The following DSG2 variants were observed in gnomAD, a reference collection of about 807,000 sequenced individuals.
DSG2 encodes desmoglein-2.
A neutral mutation model predicts 75.6 loss-of-function variants in DSG2; 45 were observed. That is an observed-to-expected ratio of 0.60 (90% CI 0.47 to 0.76). The LOEUF (loss-of-function observed/expected upper bound fraction) is 0.76. Among genes scored for constraint, DSG2 ranks in the 30% least tolerant of loss-of-function variants. DSG2 has a pLI of 0.00. For synonymous variants in DSG2, 429 were observed against 483.9 expected (o/e 0.89, Z 1.49); for missense variants, 1,267 against 1,357.4 (o/e 0.93, Z 1.05).
intron 11 of DSG2, among the ~76,000 whole-genome samples, chr18:31,537,319 T>C (rs1440754625): frequency 6.6e-6 from 1 of 152,186 alleles, no homozygotes; most frequent in African/African-American, 2.4e-5. Context: ...TTCAGTGATC[T>C]GAATTAACAA....
chr18:31,523,605 A>G (rs1382436516), intron 6 of DSG2, among the ~76,000 whole-genome samples: 3 of 152,198 alleles, frequency 2.0e-5, no homozygotes, highest in Non-Finnish European at 4.4e-5. Flanking sequence ...TAAAGGACGG[A>G]AAGTTTAGCC....
chr18:31,513,976 C>T (rs2073080457), intron 1 of DSG2, among the ~76,000 whole-genome samples: 1 of 152,090 alleles, frequency 6.6e-6, no homozygotes, highest in African/African-American at 2.4e-5. Context: ...CAGTATTCCT[C>T]AAAACCGTCA....
intron 14 of DSG2, chr18:31,543,119 T>A: frequency 2.9e-6 from 1 of 346,608 alleles, no homozygotes. Context: ...TTTTTGCCAG[T>A]CAGTCAGCTC....
chr18:31,498,884 ATGAAGT>A (rs1263571697), intron 1 of DSG2, among the ~76,000 whole-genome samples: 1 of 152,242 alleles, frequency 6.6e-6, no homozygotes, highest in Non-Finnish European at 1.5e-5. Flanking sequence ...CTTAAAGTTT[ATGAAGT>A]TGGTGTTTCA....
At chr18:31,511,929 C>G (rs1381453667) in intron 1 of DSG2, among the ~76,000 whole-genome samples, 1 of 152,166 alleles carries the variant, frequency 6.6e-6, no homozygotes, top group African/African-American at 2.4e-5. Flanking sequence ...TTAGCCTTGC[C>G]TGTGTCACGC....
chr18:31,530,919 T>A (rs1598816281), intron 8 of DSG2, 68 bp from the exon 9 acceptor site: 2 of 1,463,568 alleles, frequency 1.4e-6, no homozygotes, highest in East Asian at 2.3e-5. Flanking sequence ...ACCACACATG[T>A]ATATGTATAT....
At chr18:31,509,638 T>G (rs2073056428) in intron 1 of DSG2, among the ~76,000 whole-genome samples, 1 of 152,158 alleles carries the variant, frequency 6.6e-6, no homozygotes, top group African/African-American at 2.4e-5. Flanking sequence ...AAAATAAGAT[T>G]AAGAAGAGAA....
At chr18:31,505,805 G>A (rs547277159) in intron 1 of DSG2, among the ~76,000 whole-genome samples, 2 of 151,886 alleles carry the variant, frequency 1.3e-5, no homozygotes, top group Non-Finnish European at 2.9e-5. Context: ...GGGACTACAG[G>A]TGCACGCCAC....
intron 10 of DSG2, among the ~76,000 whole-genome samples, chr18:31,535,676 C>T (rs2073225637): frequency 6.6e-6 from 1 of 151,926 alleles, no homozygotes; most frequent in Non-Finnish European, 1.5e-5. Flanking sequence ...CATCTGTAGT[C>T]CCAGCTACTC....
chr18:31,543,135 T>C, intron 14 of DSG2: 1 of 311,532 alleles, frequency 3.2e-6, no homozygotes, highest in East Asian at 5.7e-5. Context: ...AGCTCTGCTT[T>C]CCTTCATGAT....
chr18:31,513,704 C>T (rs944385726), intron 1 of DSG2, among the ~76,000 whole-genome samples: 1 of 152,180 alleles, frequency 6.6e-6, no homozygotes, highest in African/African-American at 2.4e-5. Context: ...CTTCCCTCTG[C>T]CCTGAGGATG....
At chr18:31,533,982 C>CTTT (rs1282511260) in intron 9 of DSG2, among the ~76,000 whole-genome samples, 1 of 126,764 alleles carries the variant, frequency 7.9e-6, no homozygotes, top group African/African-American at 3.1e-5. Context: ...ACATACATTT[C>CTTT]TTTTTTTTCT....
intron 1 of DSG2, among the ~76,000 whole-genome samples, chr18:31,507,774 AGT>A (rs2073046600): frequency 6.6e-6 from 1 of 151,910 alleles, no homozygotes; most frequent in Non-Finnish European, 1.5e-5. Flanking sequence ...GATAGGGCTG[AGT>A]GTTTTTTTCT....
At chr18:31,530,610 G>A (rs1316343041) in intron 8 of DSG2, among the ~76,000 whole-genome samples, 24 of 152,018 alleles carry the variant, frequency 1.6e-4, no homozygotes, top group Admixed American at 1.6e-3. Flanking sequence ...GTACAGATGG[G>A]AACTCCCTAT....
At position 31,548,868 on chromosome 18, in the gene DSG2, TTTTA is replaced by T. The variant is rs1251139118; in HGVS notation, c.*2129_*2132del. On this transcript the variant is annotated 3_prime_UTR_variant, in exon 15 of 15. Coordinates refer to ENST00000261590, the MANE Select transcript of DSG2 (RefSeq NM_001943.5). ...TTAGAGTGACCCTTTCCCCATAGAT[TTTTA>T]TTTCTCTATTATATTTTACAAGGAA... 7 of 152,136 alleles carry T rather than the reference TTTTA, an allele frequency of 4.6e-5. No homozygotes were observed. The highest frequency in any genetic ancestry group is 1.3e-4 in the Admixed American group (2 of 15,286). The allele number at this position is 152,136 out of a possible 1,614,324, so 9.4% of individuals were successfully genotyped here. A position where few individuals can be genotyped will look rare whatever the true frequency, so the allele number is the denominator to read the frequency against.
chr18:31,544,498 C>T (rs2073291422), intron 14 of DSG2, among the ~76,000 whole-genome samples: 3 of 151,958 alleles, frequency 2.0e-5, no homozygotes, highest in African/African-American at 7.2e-5. Flanking sequence ...GTGACCTAAG[C>T]TTCCACCCTC....
intron 1 of DSG2, among the ~76,000 whole-genome samples, chr18:31,512,399 A>G (rs1053181133): frequency 6.6e-6 from 1 of 151,798 alleles, no homozygotes. Flanking sequence ...CTTTACTGCA[A>G]CTCCCAGGGT....
At chr18:31,500,036 TAAAAAA>T (rs10625787) in intron 1 of DSG2, among the ~76,000 whole-genome samples, 4 of 110,946 alleles carry the variant, frequency 3.6e-5, no homozygotes, top group African/African-American at 9.8e-5. Flanking sequence ...AGTTTTTTGG[TAAAAAA>T]AAAAAAAAAA....
At position 31,541,247 on chromosome 18, in the gene DSG2, C is replaced by A. The variant is rs764097157; in HGVS notation, c.1934C>A (p.Thr645Asn). 6.2e-7 allele frequency: 1 copy of A among 1,614,012 alleles called. No individual in the cohort carries two copies. Among genetic ancestry groups the A allele is most frequent in the African/African-American group, 1.3e-5 (1 of 74,920 alleles). The change falls in exon 13 of 15, where the codon ACC becomes AAC. Residue 645 changes from threonine (T) to asparagine (N), a missense_variant. By Grantham distance (65) the Thr-to-Asn change is moderately conservative (BLOSUM62 0). Transcript: ENST00000261590. The part of the protein sequence containing the change: ...CHCGKGAKGF[T>N]PIPGTIEMLH... Reference sequence around the variant, plus strand: ...TGCGGAAAGGGCGCCAAAGGCTTTACCCCCATACCTGGCACCATAGAGATG... The same window carrying A: ...TGCGGAAAGGGCGCCAAAGGCTTTAACCCCATACCTGGCACCATAGAGATG...
Sources: gnomAD v4.1 joint callset for allele counts (sites outside exome capture counted in the v4.1 genomes callset) on GRCh38, gnomAD v4.1.1 for gene constraint, MANE v1.5 for transcripts, NCBI Gene and HGNC (gene_info 2026-07-23, HGNC 2026-07-21) for gene names.